Variants in ATOSA observed in about 807,000 individuals in gnomAD.
The protein encoded by ATOSA is atos homolog A, also known as atos homolog protein A.
chr15:52,687,126 C>T, the ATOSA span, among the ~76,000 whole-genome samples: 1 of 152,212 alleles, frequency 6.6e-6, no homozygotes, highest in Non-Finnish European at 1.5e-5. Flanking sequence ...ATAATTGCGG[C>T]CGGGCGCGGT....
At chr15:52,582,470 T>C in the ATOSA span, among the ~76,000 whole-genome samples, 3 of 152,236 alleles carry the variant, frequency 2.0e-5, no homozygotes, top group Non-Finnish European at 2.9e-5. Flanking sequence ...CCAAAGCATA[T>C]GCTTTTATTT....
At chr15:52,640,082 C>T in the ATOSA span, among the ~76,000 whole-genome samples, 2 of 151,852 alleles carry the variant, frequency 1.3e-5, no homozygotes, top group African/African-American at 4.8e-5. Context: ...CCTATTTAAT[C>T]TTCATAAAAT....
chr15:52,703,617 CATA>C, the ATOSA span, among the ~76,000 whole-genome samples: 1 of 151,368 alleles, frequency 6.6e-6, no homozygotes, highest in East Asian at 1.9e-4. Context: ...TCTGAAAATA[CATA>C]TGCACAAGGT....
At chr15:52,659,548 C>T in the ATOSA span, among the ~76,000 whole-genome samples, 1 of 152,160 alleles carries the variant, frequency 6.6e-6, no homozygotes, top group African/African-American at 2.4e-5. Flanking sequence ...TCAAAACAAG[C>T]ATCCCATGTT....
the ATOSA span, among the ~76,000 whole-genome samples, chr15:52,697,286 A>C: frequency 1.3e-5 from 2 of 152,186 alleles, no homozygotes; most frequent in Non-Finnish European, 2.9e-5. Flanking sequence ...CCCTTCTTCC[A>C]ATACTGCCTT....
At chr15:52,660,590 T>C in the ATOSA span, among the ~76,000 whole-genome samples, 1 of 152,354 alleles carries the variant, frequency 6.6e-6, no homozygotes, top group Non-Finnish European at 1.5e-5. Context: ...ACTGAAGAAA[T>C]GCTAATTTAT....
the ATOSA span, chr15:52,678,308 T>G: frequency 3.4e-6 from 2 of 583,984 alleles, no homozygotes; most frequent in Non-Finnish European, 6.1e-6. Flanking sequence ...CCCCCTTCCC[T>G]GCCTCTGTGC....
chr15:52,645,098 G>A, the ATOSA span, among the ~76,000 whole-genome samples: 1 of 152,246 alleles, frequency 6.6e-6, no homozygotes, highest in Non-Finnish European at 1.5e-5. Flanking sequence ...ACTTCTAGTA[G>A]GGGGCAGTCG....
At chr15:52,682,461 A>G in the ATOSA span, among the ~76,000 whole-genome samples, 3 of 152,192 alleles carry the variant, frequency 2.0e-5, no homozygotes, top group South Asian at 2.1e-4. Context: ...GAAGATGGCC[A>G]TGTGACTAAG....
chr15:52,598,394 G>C, the ATOSA span: 1 of 152,142 alleles, frequency 6.6e-6, no homozygotes, highest in African/African-American at 2.4e-5. Context: ...TGTGTTTCCA[G>C]ACTCCACCTA....
chr15:52,643,702 T>G, the ATOSA span, among the ~76,000 whole-genome samples: 1 of 150,976 alleles, frequency 6.6e-6, no homozygotes. Context: ...GATCACAAGG[T>G]CAGGAATTTG....
the ATOSA span, among the ~76,000 whole-genome samples, chr15:52,583,052 TGTG>T: frequency 6.6e-5 from 10 of 152,214 alleles, no homozygotes; most frequent in African/African-American, 1.9e-4. Context: ...AGCTGAAAGA[TGTG>T]GTGGTTACAG....
At chr15:52,593,830 G>A in the ATOSA span, 5 of 1,219,114 alleles carry the variant, frequency 4.1e-6, no homozygotes, top group Non-Finnish European at 5.6e-6. Flanking sequence ...TCTAAAGGCA[G>A]AGAAGTGATT....
the ATOSA span, chr15:52,678,121 T>G: frequency 7.1e-7 from 1 of 1,410,510 alleles, no homozygotes; most frequent in Non-Finnish European, 1.0e-6. Flanking sequence ...GCTTTCAAAA[T>G]GCTGAAAGAG....
At chr15:52,696,295 C>T in the ATOSA span, among the ~76,000 whole-genome samples, 1 of 152,146 alleles carries the variant, frequency 6.6e-6, no homozygotes, top group Non-Finnish European at 1.5e-5. Context: ...CCCCTACACA[C>T]CCTGCAATAT....
chr15:52,647,809 TACAA>T, the ATOSA span, among the ~76,000 whole-genome samples: 1 of 152,174 alleles, frequency 6.6e-6, no homozygotes, highest in African/African-American at 2.4e-5. Flanking sequence ...ATCAAAACAC[TACAA>T]ACAGAACAAA....
the ATOSA span, among the ~76,000 whole-genome samples, chr15:52,669,213 G>A: frequency 5.3e-5 from 8 of 152,114 alleles, no homozygotes; most frequent in East Asian, 1.4e-3. Flanking sequence ...GAGCCACCGC[G>A]CCTGGCCTGA....
chr15:52,666,523 A>G, the ATOSA span, among the ~76,000 whole-genome samples: 1 of 152,214 alleles, frequency 6.6e-6, no homozygotes, highest in African/African-American at 2.4e-5. Flanking sequence ...AAGTGGGCAT[A>G]AACATTTCCA....
At chr15:52,642,472 G>T in the ATOSA span, among the ~76,000 whole-genome samples, 1 of 152,134 alleles carries the variant, frequency 6.6e-6, no homozygotes, top group Admixed American at 6.5e-5. Flanking sequence ...GCCAAATTTT[G>T]AAATTACAAA....
Sources: gnomAD v4.1 joint callset for allele counts (sites outside exome capture counted in the v4.1 genomes callset) on GRCh38, gnomAD v4.1.1 for gene constraint, MANE v1.5 for transcripts, NCBI Gene and HGNC (gene_info 2026-07-23, HGNC 2026-07-21) for gene names.